The following ACTR5 variants were observed in gnomAD, a reference collection of about 807,000 sequenced individuals.
The protein encoded by ACTR5 is actin-related protein 5.
ACTR5 carries 43 observed loss-of-function variants against 61.2 expected under a neutral mutation model. The observed-to-expected ratio is 0.70, with a 90% CI of 0.55 to 0.91. ACTR5 has a LOEUF of 0.91. ACTR5 is among the 40% of genes least tolerant of loss of function. The pLI is 0.00. For synonymous variants in ACTR5, 333 were observed against 310.5 expected, an observed-to-expected ratio of 1.07 and a Z score of -0.76; for missense variants, 798 against 782.2, an observed-to-expected ratio of 1.02 and a Z score of -0.24.
chr20:38,758,504 G>A (rs531593460), intron 5 of ACTR5, among the ~76,000 whole-genome samples: 69 of 152,186 alleles, frequency 4.5e-4, no homozygotes, highest in Non-Finnish European at 8.2e-4. Context: ...AAAATTAGCC[G>A]GGCGTCGGGG....
At chr20:38,769,075 CTCA>C (rs1223702846) in intron 8 of ACTR5, among the ~76,000 whole-genome samples, 1 of 152,190 alleles carries the variant, frequency 6.6e-6, no homozygotes, top group Non-Finnish European at 1.5e-5. Context: ...CCAGGGTTCT[CTCA>C]TCATTCCCCC....
In ACTR5 at chr20:38,765,538, G is replaced by A; in HGVS notation, c.1293+20G>A. The A allele has an allele frequency of 6.3e-7, 1 of 1,589,110 alleles. No homozygotes were observed. The highest frequency in any genetic ancestry group is 8.6e-7 in the Non-Finnish European group (1 of 1,157,282). On this transcript the variant is annotated intron_variant, in intron 6 of 8. Coordinates refer to ENST00000243903, the MANE Select transcript of ACTR5 (RefSeq NM_024855.4). ...GTTCAGGTTTGACTTCTACAGCCCA[G>A]AACATGCTTATTCTTTGAAGGTGTT... is the stretch of plus-strand genomic sequence containing the variant.
At chr20:38,768,504 A>G (rs2084501424) in intron 8 of ACTR5, among the ~76,000 whole-genome samples, 1 of 152,234 alleles carries the variant, frequency 6.6e-6, no homozygotes, top group Non-Finnish European at 1.5e-5. Flanking sequence ...CACACAAGAC[A>G]TAATTTCCCC....
At chr20:38,759,012 G>A (rs917676300) in intron 5 of ACTR5, among the ~76,000 whole-genome samples, 2 of 152,216 alleles carry the variant, frequency 1.3e-5, no homozygotes, top group African/African-American at 4.8e-5. Flanking sequence ...GTTTCTGTGA[G>A]GATGTTGTGA....
At chr20:38,759,884 TG>T (rs1296872608) in intron 5 of ACTR5, among the ~76,000 whole-genome samples, 1 of 152,086 alleles carries the variant, frequency 6.6e-6, no homozygotes, top group Non-Finnish European at 1.5e-5. Flanking sequence ...AAAGATTATT[TG>T]GGCCGGGCAC....
chr20:38,768,076 A>G (rs962488790), intron 8 of ACTR5, among the ~76,000 whole-genome samples: 103 of 152,298 alleles, frequency 6.8e-4, no homozygotes, highest in African/African-American at 2.4e-3. Context: ...GCATCCTGCT[A>G]AGAAGCTTGG....
chr20:38,770,691 A>G (rs1033902836), intron 8 of ACTR5, among the ~76,000 whole-genome samples: 1 of 152,122 alleles, frequency 6.6e-6, no homozygotes, highest in Non-Finnish European at 1.5e-5. Context: ...ATGCACTTAA[A>G]TCCCCTGAAG....
intron 5 of ACTR5, among the ~76,000 whole-genome samples, chr20:38,758,665 T>C (rs1262950977): frequency 6.7e-6 from 1 of 150,104 alleles, no homozygotes; most frequent in Non-Finnish European, 1.5e-5. Context: ...AAAAAAGTGA[T>C]GATCAGTCGT....
intron 4 of ACTR5, 65 bp downstream of exon 4, chr20:38,755,239 G>T (rs957556835): frequency 3.0e-5 from 44 of 1,466,532 alleles, no homozygotes; most frequent in Admixed American, 5.3e-5. Flanking sequence ...AGATTTTCTT[G>T]CATATTTTTC....
At chr20:38,760,075 GCT>G (rs759922449) in intron 5 of ACTR5, among the ~76,000 whole-genome samples, 18 of 151,314 alleles carry the variant, frequency 1.2e-4, no homozygotes, top group Non-Finnish European at 2.2e-4. Context: ...GATCACTTGA[GCT>G]TGGGAGTTCG....
chr20:38,756,072 T>C (rs767923762), intron 5 of ACTR5, 33 bp downstream of exon 5: 74 of 1,584,100 alleles, frequency 4.7e-5, no homozygotes, highest in Non-Finnish European at 6.3e-5. Flanking sequence ...GCAGCCCTTC[T>C]TGAGGGGAGG....
Position 38,766,298 on chromosome 20 carries a change from C to A in ACTR5, c.1354C>A (p.Pro452Thr), listed in dbSNP as rs537247964. 2 of 1,614,042 alleles carry A rather than the reference C, an allele frequency of 1.2e-6. No homozygotes were observed. The highest frequency in any genetic ancestry group is 3.3e-5 in the Admixed American group (2 of 59,980). Residue 452 changes from proline to threonine, a missense_variant, in exon 7 of 9, where the codon CCA (proline) becomes ACA (threonine). Transcript: ENST00000243903. ...TGTTGGGACAGAAAGAATTCGAGCT[C>A]CAGAGATTATTTTCCAGCCATCTCT... ...LFVGTERIRA[P>T]EIIFQPSLIG...
At chr20:38,758,446 A>G (rs1037507661) in intron 5 of ACTR5, among the ~76,000 whole-genome samples, 5 of 152,222 alleles carry the variant, frequency 3.3e-5, no homozygotes, top group Admixed American at 2.6e-4. Context: ...CAGGAATTCG[A>G]GACCAGCCTG....
intron 8 of ACTR5, among the ~76,000 whole-genome samples, chr20:38,768,206 G>A (rs948526508): frequency 6.6e-5 from 10 of 152,154 alleles, no homozygotes; most frequent in Admixed American, 3.9e-4. Flanking sequence ...CTGTCTCAGT[G>A]GTAGGAAGGG....
At chr20:38,769,428 G>A (rs1220797370) in intron 8 of ACTR5, among the ~76,000 whole-genome samples, 4 of 152,208 alleles carry the variant, frequency 2.6e-5, no homozygotes, top group African/African-American at 4.8e-5. Flanking sequence ...AGAGGCTAAG[G>A]CAGTCAAATT....
At chr20:38,749,136 G>A (rs2084371166) in intron 1 of ACTR5, among the ~76,000 whole-genome samples, 1 of 152,208 alleles carries the variant, frequency 6.6e-6, no homozygotes, top group Non-Finnish European at 1.5e-5. Flanking sequence ...GGCATTTGGA[G>A]TACATGTGTG....
rs1037500257 is a variant in ACTR5 at position 38,750,336 on chromosome 20, A to G, written c.605+97A>G. On this transcript the variant is annotated intron_variant, in intron 2 of 8. Transcript: ENST00000243903. ...TAAAGGCAGAGTAGAAAGAGCAAGT[A>G]CTAGCCTGTGAACTGAGCCGTTGGG... 18 of 1,052,886 alleles carry G rather than the reference A, an allele frequency of 1.7e-5. 1 individual carries two copies. The South Asian group carries it at 2.8e-4, about 16-fold the overall frequency. The allele number at this position is 1,052,886 out of a possible 1,614,324, so 65.2% of individuals were successfully genotyped here.
intron 5 of ACTR5, among the ~76,000 whole-genome samples, chr20:38,763,900 A>G (rs142521305): frequency 4.6e-5 from 7 of 152,294 alleles, no homozygotes; most frequent in African/African-American, 1.7e-4. Context: ...CATCCTGTGC[A>G]CAAGTCTCAC....
Position 38,766,344 on chromosome 20 carries a change from G to C in ACTR5, c.1400G>C (p.Gly467Ala). 2 of 1,612,660 alleles carry C rather than the reference G, an allele frequency of 1.2e-6. No individual in the cohort carries two copies. Among genetic ancestry groups the C allele is most frequent in the Non-Finnish European group, 1.7e-6 (2 of 1,179,690 alleles). ...QPSLIGEEQA[G>A]IAETLQYILD... is the part of the protein sequence containing the mutation. ...TCTCTCATAGGAGAAGAACAGGCTG[G>C]GATTGCAGAGACTCTTCAGTACATT... The change falls in exon 7 of 9, where the codon GGG becomes GCG. Residue 467 changes from glycine (G) to alanine (A), a missense_variant. Gly to Ala is a moderately conservative substitution (Grantham distance 60). Coordinates refer to ENST00000243903, the MANE Select transcript of ACTR5 (RefSeq NM_024855.4).
Sources: allele counts gnomAD v4.1 joint callset (sites outside exome capture counted in the v4.1 genomes callset), GRCh38; gene constraint gnomAD v4.1.1; transcripts MANE v1.5; gene names NCBI Gene and HGNC (gene_info 2026-07-23, HGNC 2026-07-21).